The following VWA8 variants were observed in gnomAD, a reference collection of about 807,000 sequenced individuals.
The protein encoded by VWA8 is von Willebrand factor A domain-containing protein 8.
In VWA8, 221 loss-of-function variants were observed where a neutral mutation model predicts 241.5. The observed-to-expected ratio is 0.91, with a 90% CI of 0.82 to 1.02. VWA8 has a LOEUF of 1.02. Ranked by LOEUF, VWA8 falls within the 50% of genes least tolerant of loss-of-function variation. The pLI is 0.00. For synonymous variants in VWA8, 852 were observed against 827.1 expected (o/e 1.03, Z -0.52); for missense variants, 2,322 against 2,328.7 (o/e 1.00, Z 0.06).
chr13:41,712,962 C>A (rs533154910), intron 26 of VWA8, among the ~76,000 whole-genome samples: 2 of 152,326 alleles, frequency 1.3e-5, no homozygotes, highest in African/African-American at 2.4e-5. Flanking sequence ...TCTACCCTCA[C>A]TTGATATGTT....
At chr13:41,698,696 A>C (rs2045230330) in intron 29 of VWA8, among the ~76,000 whole-genome samples, 1 of 152,192 alleles carries the variant, frequency 6.6e-6, no homozygotes, top group Non-Finnish European at 1.5e-5. Context: ...ACTCCCTTGG[A>C]CATTACTCTG....
intron 2 of VWA8, among the ~76,000 whole-genome samples, chr13:41,917,155 T>C (rs1270225996): frequency 2.0e-5 from 3 of 152,178 alleles, no homozygotes; most frequent in African/African-American, 4.8e-5. Context: ...AAATTATAAT[T>C]TTCTCCCTTC....
chr13:41,722,756 G>A (rs1340038624), intron 24 of VWA8, among the ~76,000 whole-genome samples: 1 of 152,114 alleles, frequency 6.6e-6, no homozygotes, highest in African/African-American at 2.4e-5. Context: ...GATACCTGGG[G>A]GAAGAGCATT....
chr13:41,780,362 TA>T (rs1868835886), intron 19 of VWA8, among the ~76,000 whole-genome samples: 1 of 152,226 alleles, frequency 6.6e-6, no homozygotes, highest in Non-Finnish European at 1.5e-5. Context: ...CCCAGTCACC[TA>T]AATTCAACAC....
chr13:41,810,476 C>A (rs1042791901), intron 17 of VWA8, among the ~76,000 whole-genome samples: 1 of 152,102 alleles, frequency 6.6e-6, no homozygotes, highest in Admixed American at 6.6e-5. Flanking sequence ...TTTGCAACAA[C>A]ATGGATGGAA....
rs555787272 is a variant in VWA8 at position 41,622,606 on chromosome 13, T to G, written c.4612-7522A>C. The stretch of plus-strand genomic sequence containing the variant: ...CTGACACAATCTGCTTTCTTTTAGG[T>G]AAGTGTGCTATAATCGTAAGAATCA... On this transcript the variant is annotated intron_variant, in intron 37 of 44. Transcript: ENST00000379310. Among the ~76,000 whole-genome samples the G allele has an allele frequency of 9.8e-5, 15 of 152,322 alleles. No homozygotes were observed. The South Asian group carries it at 3.1e-3, about 32-fold the overall frequency.
At chr13:41,881,702 G>A (rs1347527797) in intron 9 of VWA8, among the ~76,000 whole-genome samples, 108 of 144,670 alleles carry the variant, frequency 7.5e-4, no homozygotes, top group African/African-American at 2.5e-3. Flanking sequence ...CTCACCTCCC[G>A]GACGGGGCGG....
At chr13:41,625,180 T>G (rs1277514292) in intron 37 of VWA8, among the ~76,000 whole-genome samples, 1 of 150,956 alleles carries the variant, frequency 6.6e-6, no homozygotes, top group Non-Finnish European at 1.5e-5. Context: ...CACACACAAA[T>G]CAAACACTCA....
intron 17 of VWA8, among the ~76,000 whole-genome samples, chr13:41,807,052 C>T (rs561171794): frequency 6.6e-6 from 1 of 152,060 alleles, no homozygotes; most frequent in African/African-American, 2.4e-5. Flanking sequence ...TTAGAAGCTA[C>T]CATGAGAAAC....
chr13:41,761,363 T>C (rs73466980), intron 20 of VWA8, among the ~76,000 whole-genome samples, 159 bp from the exon 21 acceptor site: 3,150 of 152,146 alleles, frequency 0.021, 111 homozygotes, highest in African/African-American at 0.069. Flanking sequence ...ATATGGAATA[T>C]CTCCTATGAC....
At chr13:41,644,026 G>T (rs960399451) in intron 37 of VWA8, among the ~76,000 whole-genome samples, 1 of 151,868 alleles carries the variant, frequency 6.6e-6, no homozygotes, top group African/African-American at 2.4e-5. Context: ...CTTATTATAG[G>T]TAAAACCCAG....
chr13:41,703,945 A>G (rs1190249896), intron 26 of VWA8, among the ~76,000 whole-genome samples: 1 of 151,908 alleles, frequency 6.6e-6, no homozygotes, highest in Non-Finnish European at 1.5e-5. Flanking sequence ...CACCCGGCTA[A>G]TTTTGTATTT....
At chr13:41,809,012 G>A (rs1182758328) in intron 17 of VWA8, among the ~76,000 whole-genome samples, 1 of 151,890 alleles carries the variant, frequency 6.6e-6, no homozygotes, top group African/African-American at 2.4e-5. Context: ...ATTTACAACA[G>A]CTACAAATAA....
At chr13:41,895,159 G>A (rs541642547) in intron 4 of VWA8, among the ~76,000 whole-genome samples, 16 of 152,112 alleles carry the variant, frequency 1.1e-4, no homozygotes, top group Non-Finnish European at 1.8e-4. Context: ...GAACATGGTA[G>A]GGCCTACAAG....
intron 40 of VWA8, among the ~76,000 whole-genome samples, chr13:41,600,452 T>G (rs1179052065): frequency 6.6e-6 from 1 of 152,102 alleles, no homozygotes; most frequent in Admixed American, 6.6e-5. Context: ...CATGTAGACG[T>G]TCCTTGACTC....
intron 4 of VWA8, among the ~76,000 whole-genome samples, chr13:41,897,727 C>G (rs545977943): frequency 6.6e-6 from 1 of 152,148 alleles, no homozygotes; most frequent in African/African-American, 2.4e-5. Flanking sequence ...AAGCTGCAGA[C>G]CTTCGCTGTG....
At chr13:41,764,937 G>A (rs1013672908) in intron 20 of VWA8, among the ~76,000 whole-genome samples, 1 of 152,034 alleles carries the variant, frequency 6.6e-6, no homozygotes. Context: ...GAGAGCAGAA[G>A]AGAAAGCAAA....
intron 5 of VWA8, among the ~76,000 whole-genome samples, chr13:41,890,901 G>A (rs1293496369): frequency 6.6e-6 from 1 of 152,178 alleles, no homozygotes; most frequent in Non-Finnish European, 1.5e-5. Context: ...CAGTTAGGAG[G>A]TTCCTACAGC....
At chr13:41,943,179 T>C (rs1265345453) in intron 2 of VWA8, among the ~76,000 whole-genome samples, 1 of 152,198 alleles carries the variant, frequency 6.6e-6, no homozygotes, top group Non-Finnish European at 1.5e-5. Context: ...AGCTGTTTCC[T>C]TGAAAAGTTA....
Sources: allele counts gnomAD v4.1 joint callset (sites outside exome capture counted in the v4.1 genomes callset), GRCh38; gene constraint gnomAD v4.1.1; transcripts MANE v1.5; gene names NCBI Gene and HGNC (gene_info 2026-07-23, HGNC 2026-07-21).